Variants in LIX1 observed in about 807,000 individuals in gnomAD.
LIX1 encodes limb and CNS expressed 1, also known as protein limb expression 1 homolog.
Under a neutral mutation model 33.4 loss-of-function variants are expected in LIX1, and 24 were observed. That is an observed-to-expected ratio of 0.72 (90% CI 0.52 to 1.01). LIX1 has a LOEUF of 1.01. LIX1 is among the 50% of genes least tolerant of loss of function. The pLI is 0.00. For synonymous variants in LIX1, 124 were observed against 124.0 expected, an observed-to-expected ratio of 1.00 and a Z score of 0.00; for missense variants, 311 against 339.2, an observed-to-expected ratio of 0.92 and a Z score of 0.65.
chr5:97,106,949 C>T (rs1747074697), intron 3 of LIX1, among the ~76,000 whole-genome samples: 1 of 152,162 alleles, frequency 6.6e-6, no homozygotes, highest in Non-Finnish European at 1.5e-5. Flanking sequence ...TTCGCACTTC[C>T]AGTAAACACT....
At chr5:97,125,757 T>C (rs933647418) in intron 1 of LIX1, among the ~76,000 whole-genome samples, 7 of 152,198 alleles carry the variant, frequency 4.6e-5, no homozygotes, top group African/African-American at 1.7e-4. Flanking sequence ...GCACCAAGAT[T>C]TTCCTTGAAC....
intron 4 of LIX1, among the ~76,000 whole-genome samples, chr5:97,101,510 G>A (rs984217799): frequency 3.3e-5 from 5 of 152,150 alleles, no homozygotes; most frequent in African/African-American, 9.7e-5. Context: ...CCTGACCAGC[G>A]GAGTAAATTT....
At chr5:97,131,887 T>C (rs1410104115) in intron 1 of LIX1, among the ~76,000 whole-genome samples, 2 of 152,216 alleles carry the variant, frequency 1.3e-5, no homozygotes, top group Non-Finnish European at 2.9e-5. Context: ...GTGGCAACCA[T>C]GTCTCAGCTG....
At chr5:97,136,964 A>T in intron 1 of LIX1, 1 of 228,362 alleles carries the variant, frequency 4.4e-6, no homozygotes, top group Admixed American at 5.2e-5. Context: ...GGGTTAAAAC[A>T]TCAATATGAA....
chr5:97,100,706 C>T (rs1746648523), intron 4 of LIX1, among the ~76,000 whole-genome samples: 1 of 151,890 alleles, frequency 6.6e-6, no homozygotes, highest in Admixed American at 6.6e-5. Flanking sequence ...GTTCTGCTTA[C>T]TAGTTTCCCC....
Position 97,094,653 on chromosome 5 carries a change from C to G in LIX1, c.*95G>C. The G allele has an allele frequency of 8.5e-7, 1 of 1,170,418 alleles. No individual in the cohort carries two copies. Among genetic ancestry groups the G allele is most frequent in the Non-Finnish European group, 1.2e-6 (1 of 815,012 alleles). 72.5% of individuals were successfully genotyped at this position (1,170,418 alleles called of 1,614,324 possible). A position where few individuals can be genotyped will look rare whatever the true frequency, so the allele number is the denominator to read the frequency against. On this transcript the variant is annotated 3_prime_UTR_variant, in exon 6 of 6. Coordinates refer to ENST00000274382, the MANE Select transcript of LIX1 (RefSeq NM_153234.5). ...GGGTTAGGAGAGCCTTCAGGTAGTA[C>G]TAGAGATGCTGGAGCCTCTGAGGAC...
In LIX1 at chr5:97,107,357, C is replaced by T; in HGVS notation, c.387+3G>A. ...TCTCCTGCCCTCCATGGTGGGTACT[C>T]ACGCTGGTGGAGGCTACTGCTTCCT... is the stretch of plus-strand genomic sequence containing the variant. On this transcript the variant is annotated splice_donor_region_variant and intron_variant, in intron 3 of 5. Coordinates refer to ENST00000274382, the MANE Select transcript of LIX1 (RefSeq NM_153234.5). 5 of 1,611,912 alleles carry T rather than the reference C, an allele frequency of 3.1e-6. No individual in the cohort carries two copies. The South Asian group carries it at 3.3e-5, about 11-fold the overall frequency.
intron 2 of LIX1, among the ~76,000 whole-genome samples, chr5:97,114,271 G>A (rs1747565419): frequency 6.6e-6 from 1 of 152,152 alleles, no homozygotes; most frequent in African/African-American, 2.4e-5. Context: ...GGCTGAGGCT[G>A]GAAGATCACT....
Position 97,105,277 on chromosome 5 carries a change from T to A in LIX1, c.396A>T (p.Leu132Phe), listed in dbSNP as rs1561491681. The A allele has an allele frequency of 6.2e-7, 1 of 1,613,650 alleles. No individual in the cohort carries two copies. The highest frequency in any genetic ancestry group is 8.5e-7 in the Non-Finnish European group (1 of 1,179,644). ...TGGTGCTGGGGTCATCTGCATCATC[T>A]AAGGTGCCCTTGGGAAAGAAAGCAG... Reference protein sequence around the residue: ...QEAVASTSGTLDDADDPSTSV... With the variant: ...QEAVASTSGTFDDADDPSTSV... Residue 132 changes from leucine (L) to phenylalanine (F), a missense_variant, in exon 4 of 6, where the codon TTA (leucine) becomes TTT (phenylalanine). Physicochemically the swap from Leu to Phe is conservative, Grantham distance 22. Coordinates refer to ENST00000274382, the MANE Select transcript of LIX1 (RefSeq NM_153234.5).
At chr5:97,109,694 G>A (rs1747269999) in intron 2 of LIX1, among the ~76,000 whole-genome samples, 2 of 151,332 alleles carry the variant, frequency 1.3e-5, no homozygotes, top group African/African-American at 2.5e-5. Context: ...CCTGTCACCA[G>A]AACAGTATAC....
At chr5:97,141,154 TAA>T (rs1350390252) in intron 1 of LIX1, among the ~76,000 whole-genome samples, 1 of 152,138 alleles carries the variant, frequency 6.6e-6, no homozygotes, top group Non-Finnish European at 1.5e-5. Context: ...TTCCCCTATT[TAA>T]ATGCTCAGCA....
chr5:97,102,377 C>T (rs955365930), intron 4 of LIX1, among the ~76,000 whole-genome samples: 1 of 151,988 alleles, frequency 6.6e-6, no homozygotes, highest in Non-Finnish European at 1.5e-5. Context: ...AGCATTTAAC[C>T]CAGGCCACTA....
chr5:97,102,043 T>C (rs1746730922), intron 4 of LIX1: 1 of 152,050 alleles, frequency 6.6e-6, no homozygotes, highest in East Asian at 1.9e-4. Context: ...CTAGTGCTGC[T>C]CCGAACCTTC....
At chr5:97,122,081 T>G (rs538586752) in intron 2 of LIX1, among the ~76,000 whole-genome samples, 1 of 152,278 alleles carries the variant, frequency 6.6e-6, no homozygotes, top group South Asian at 2.1e-4. Flanking sequence ...TTCTGAGGCT[T>G]CTATACCCAC....
intron 4 of LIX1, among the ~76,000 whole-genome samples, chr5:97,104,535 G>T (rs2112761526): frequency 6.6e-6 from 1 of 152,322 alleles, no homozygotes; most frequent in Admixed American, 6.5e-5. Context: ...TACAGTTATT[G>T]TGAGTGTTAA....
At chr5:97,120,453 C>T (rs316218) in intron 2 of LIX1, among the ~76,000 whole-genome samples, 68,006 of 151,924 alleles carry the variant, frequency 0.45, 15,730 homozygotes, top group African/African-American at 0.56. Context: ...CTGGAGCATA[C>T]GGTAGAAAAC....
intron 2 of LIX1, among the ~76,000 whole-genome samples, chr5:97,112,880 TCCCCAGTGAC>T (rs1345326911): frequency 6.6e-6 from 1 of 151,582 alleles, no homozygotes; most frequent in Non-Finnish European, 1.5e-5. Context: ...TTTGTAAGAT[TCCCCAGTGAC>T]CCCTGCCCCG....
intron 2 of LIX1, among the ~76,000 whole-genome samples, chr5:97,118,908 A>G (rs948195965): frequency 2.0e-5 from 3 of 151,790 alleles, no homozygotes; most frequent in Admixed American, 6.6e-5. Context: ...AAAATTCTTT[A>G]ATTAGCTTTC....
intron 4 of LIX1, among the ~76,000 whole-genome samples, chr5:97,104,097 A>G (rs925798909): frequency 8.5e-5 from 13 of 152,308 alleles, no homozygotes; most frequent in Middle Eastern, 3.4e-3. Flanking sequence ...GGACATTTCC[A>G]TCTGAGAAGT....
Sources: allele counts gnomAD v4.1 joint callset (sites outside exome capture counted in the v4.1 genomes callset), GRCh38; gene constraint gnomAD v4.1.1; transcripts MANE v1.5; gene names NCBI Gene and HGNC (gene_info 2026-07-23, HGNC 2026-07-21).